The following CDH13 variants were observed in gnomAD, a reference collection of about 807,000 sequenced individuals.
CDH13 encodes cadherin 13.
A neutral mutation model predicts 63.8 loss-of-function variants in CDH13; 24 were observed. The ratio of observed to expected loss-of-function variants is 0.38; its 90% CI spans 0.27 to 0.53. The LOEUF (loss-of-function observed/expected upper bound fraction) is 0.53, where lower values mean the gene tolerates loss of function less well. CDH13 is among the 20% of genes least tolerant of loss of function. The pLI, the probability that CDH13 is intolerant of heterozygous loss-of-function variation, is 0.85. For missense variants in CDH13, 1,049 were observed against 903.1 expected, an observed-to-expected ratio of 1.16 and a Z score of -2.07; for synonymous variants, 503 against 355.3, an observed-to-expected ratio of 1.42 and a Z score of -4.67.
intron 8 of CDH13, among the ~76,000 whole-genome samples, chr16:83,655,437 G>A (rs768367259): frequency 1.3e-5 from 2 of 152,200 alleles, no homozygotes; most frequent in Non-Finnish European, 1.5e-5. Context: ...CTGAGGTGGG[G>A]CACTGAGCAG....
At chr16:83,016,740 C>G (rs1278644594) in intron 2 of CDH13, among the ~76,000 whole-genome samples, 3 of 152,070 alleles carry the variant, frequency 2.0e-5, no homozygotes, top group Non-Finnish European at 4.4e-5. Context: ...CAAGGTAGCA[C>G]AAGGCCATCT....
chr16:83,595,825 C>G (rs1391983805), intron 7 of CDH13, among the ~76,000 whole-genome samples: 1 of 152,188 alleles, frequency 6.6e-6, no homozygotes, highest in African/African-American at 2.4e-5. Flanking sequence ...ACATTGTTTT[C>G]ACCACAAGTT....
intron 1 of CDH13, among the ~76,000 whole-genome samples, chr16:82,690,841 G>A (rs1164218337): frequency 6.6e-6 from 1 of 152,232 alleles, no homozygotes; most frequent in Non-Finnish European, 1.5e-5. Context: ...CGGCTGAGCT[G>A]ACTGTCAACC....
intron 6 of CDH13, among the ~76,000 whole-genome samples, chr16:83,406,163 T>C (rs2092041486): frequency 6.6e-6 from 1 of 152,206 alleles, no homozygotes; most frequent in African/African-American, 2.4e-5. Context: ...GGCCCCTGTC[T>C]ATGAAAGGGC....
chr16:82,661,172 C>T (rs902176813), intron 1 of CDH13, among the ~76,000 whole-genome samples: 1 of 152,192 alleles, frequency 6.6e-6, no homozygotes, highest in South Asian at 2.1e-4. Context: ...GCAAACGGCT[C>T]ATTGTTTACG....
At chr16:83,584,346 G>T (rs959271204) in intron 7 of CDH13, among the ~76,000 whole-genome samples, 1 of 152,124 alleles carries the variant, frequency 6.6e-6, no homozygotes, top group African/African-American at 2.4e-5. Context: ...TTTAAAAAAT[G>T]CATGGTTTTT....
chr16:83,099,237 C>G (rs148351538), intron 3 of CDH13, among the ~76,000 whole-genome samples: 2 of 152,238 alleles, frequency 1.3e-5, no homozygotes, highest in Non-Finnish European at 2.9e-5. Context: ...AGTAGGTGCT[C>G]TTTAAATGTT....
chr16:82,668,115 C>T (rs1206277300), intron 1 of CDH13, among the ~76,000 whole-genome samples: 1 of 152,076 alleles, frequency 6.6e-6, no homozygotes, highest in Non-Finnish European at 1.5e-5. Flanking sequence ...GGAGACCTGC[C>T]TGGGGTACCA....
chr16:83,205,979 T>G (rs1245803042), intron 4 of CDH13, among the ~76,000 whole-genome samples: 1 of 152,124 alleles, frequency 6.6e-6, no homozygotes, highest in South Asian at 2.1e-4. Flanking sequence ...TAGGTTGGGA[T>G]ATATTATTAA....
intron 1 of CDH13, among the ~76,000 whole-genome samples, chr16:82,757,261 C>T (rs187386161): frequency 7.4e-4 from 112 of 152,116 alleles, no homozygotes; most frequent in African/African-American, 2.4e-3. Flanking sequence ...GCTTGATGTA[C>T]GCACTTTGAA....
chr16:83,703,458 A>G (rs2150911597), intron 10 of CDH13, among the ~76,000 whole-genome samples: 1 of 152,376 alleles, frequency 6.6e-6, no homozygotes, highest in Admixed American at 6.5e-5. Flanking sequence ...AGTGATTAAA[A>G]TTTTTGAAGC....
intron 7 of CDH13, among the ~76,000 whole-genome samples, chr16:83,528,245 T>TA (rs1174385871): frequency 6.6e-6 from 1 of 152,272 alleles, no homozygotes; most frequent in Non-Finnish European, 1.5e-5. Context: ...AAAGGAACAC[T>TA]ATAACTGGCT....
intron 4 of CDH13, among the ~76,000 whole-genome samples, chr16:83,193,479 G>A (rs535433652): frequency 1.4e-3 from 214 of 152,276 alleles, no homozygotes; most frequent in Non-Finnish European, 2.7e-3. Flanking sequence ...TACAGACTCC[G>A]TTATTTCAGA....
intron 5 of CDH13, among the ~76,000 whole-genome samples, chr16:83,309,616 C>G (rs2089956853): frequency 6.6e-6 from 1 of 152,030 alleles, no homozygotes; most frequent in South Asian, 2.1e-4. Flanking sequence ...ACCTCGTGAT[C>G]CACCCACCTT....
intron 7 of CDH13, among the ~76,000 whole-genome samples, chr16:83,577,400 C>G (rs1905159797): frequency 1.3e-5 from 2 of 152,226 alleles, no homozygotes; most frequent in Admixed American, 6.5e-5. Context: ...TCTTGGTTCC[C>G]TCCCCAGCAG....
intron 9 of CDH13, among the ~76,000 whole-genome samples, 191 bp from the exon 10 acceptor site, chr16:83,678,017 T>G (rs1915104544): frequency 6.6e-6 from 1 of 152,186 alleles, no homozygotes; most frequent in Non-Finnish European, 1.5e-5. Flanking sequence ...CATCCATACT[T>G]AATCTCACAT....
intron 1 of CDH13, among the ~76,000 whole-genome samples, chr16:82,719,048 A>G (rs1431614827): frequency 6.6e-6 from 1 of 152,178 alleles, no homozygotes; most frequent in Non-Finnish European, 1.5e-5. Context: ...ACTGAGGTCA[A>G]TATCTCTTTC....
chr16:83,223,042 A>T (rs900947738), intron 5 of CDH13, among the ~76,000 whole-genome samples: 9 of 142,008 alleles, frequency 6.3e-5, no homozygotes, highest in Non-Finnish European at 1.4e-4. Flanking sequence ...ATGTCTGCTG[A>T]TATTGCCAGT....
intron 7 of CDH13, among the ~76,000 whole-genome samples, chr16:83,522,466 C>T (rs1364669655): frequency 6.6e-6 from 1 of 152,124 alleles, no homozygotes; most frequent in African/African-American, 2.4e-5. Flanking sequence ...TCAGTGGGTG[C>T]CAACAAGACG....
Sources: allele counts gnomAD v4.1 joint callset (sites outside exome capture counted in the v4.1 genomes callset), GRCh38; gene constraint gnomAD v4.1.1; transcripts MANE v1.5; gene names NCBI Gene and HGNC (gene_info 2026-07-23, HGNC 2026-07-21).